The following IGF2BP2 variants were observed in gnomAD, a reference collection of about 807,000 sequenced individuals.
The protein encoded by IGF2BP2 is insulin like growth factor 2 mRNA binding protein 2.
A neutral mutation model predicts 75.8 loss-of-function variants in IGF2BP2; 17 were observed. The observed-to-expected ratio is 0.22, with a 90% CI of 0.15 to 0.34. The LOEUF is 0.34. Ranked by LOEUF, IGF2BP2 falls within the 10% of genes least tolerant of loss-of-function variation. The pLI, the probability that IGF2BP2 is intolerant of heterozygous loss-of-function variation, is 1.00. For missense variants in IGF2BP2, 516 were observed against 772.4 expected (o/e 0.67, Z 3.93); for synonymous variants, 288 against 295.6 (o/e 0.97, Z 0.26).
intron 2 of IGF2BP2, among the ~76,000 whole-genome samples, chr3:185,805,923 A>AC (rs1163130893): frequency 6.7e-6 from 1 of 149,698 alleles, no homozygotes; most frequent in African/African-American, 2.5e-5. Context: ...GGTGCCCACC[A>AC]CCCCCCACCC....
At chr3:185,716,944 C>T (rs927926417) in intron 2 of IGF2BP2, 2 of 410,486 alleles carry the variant, frequency 4.9e-6, no homozygotes, top group Admixed American at 5.9e-5. Flanking sequence ...ACTCCGCCTT[C>T]TGTGATTTTC....
intron 7 of IGF2BP2, among the ~76,000 whole-genome samples, chr3:185,676,941 CAT>C (rs1159123170): frequency 1.0e-3 from 134 of 132,230 alleles, no homozygotes; most frequent in Admixed American, 2.0e-3. Flanking sequence ...GAGAGAGAGA[CAT>C]ATATATATGG....
At chr3:185,806,072 G>A (rs1738986780) in intron 2 of IGF2BP2, among the ~76,000 whole-genome samples, 1 of 152,134 alleles carries the variant, frequency 6.6e-6, no homozygotes, top group South Asian at 2.1e-4. Flanking sequence ...CCAGAGTGCT[G>A]GGATTACAGG....
In IGF2BP2 at chr3:185,645,678, T is replaced by C. The variant is rs1713389611; in HGVS notation, c.1708-55A>G. ...GGACAGGGGAAAAAAGGAACCCAGT[T>C]CTGAGGACAAACGGCAGGGGAGGCT... is the stretch of plus-strand genomic sequence containing the variant. On this transcript the variant is annotated intron_variant, in intron 15 of 15. Coordinates refer to ENST00000382199, the MANE Select transcript of IGF2BP2 (RefSeq NM_006548.6). The surrounding 1 kb of genome is among the most constrained non-coding windows in gnomAD (Gnocchi z 4.9). 1 of 1,381,662 alleles carries C rather than the reference T, an allele frequency of 7.2e-7. No individual in the cohort carries two copies. The highest frequency in any genetic ancestry group is 1.0e-6 in the Non-Finnish European group (1 of 969,114). 85.6% of individuals were successfully genotyped at this position (1,381,662 alleles called of 1,614,324 possible).
chr3:185,722,697 A>T (rs1232773417), intron 2 of IGF2BP2, among the ~76,000 whole-genome samples: 1 of 152,162 alleles, frequency 6.6e-6, no homozygotes, highest in Non-Finnish European at 1.5e-5. Context: ...CTCACTGGAA[A>T]ACTGTAGGAA....
intron 2 of IGF2BP2, among the ~76,000 whole-genome samples, chr3:185,733,787 T>A (rs1728502676): frequency 6.6e-6 from 1 of 151,498 alleles, no homozygotes; most frequent in African/African-American, 2.4e-5. Context: ...ATAAATAAAT[T>A]AGAGCCAAAA....
intron 10 of IGF2BP2, among the ~76,000 whole-genome samples, chr3:185,664,885 A>G (rs1431353091): frequency 1.3e-5 from 2 of 152,124 alleles, no homozygotes; most frequent in South Asian, 2.1e-4. Flanking sequence ...TATGGAAGGA[A>G]AACATTCTCC....
intron 2 of IGF2BP2, among the ~76,000 whole-genome samples, chr3:185,774,080 C>T (rs1734222509): frequency 6.6e-6 from 1 of 152,140 alleles, no homozygotes; most frequent in South Asian, 2.1e-4. Context: ...GTGCTGAACA[C>T]AATTTTCTGG....
intron 3 of IGF2BP2, among the ~76,000 whole-genome samples, chr3:185,697,729 C>A (rs1578008063): frequency 6.6e-6 from 1 of 152,006 alleles, no homozygotes; most frequent in African/African-American, 2.4e-5. Flanking sequence ...AGATAAAAAT[C>A]TTTTTAAAAA....
chr3:185,699,514 T>C (rs1324162899), intron 2 of IGF2BP2, among the ~76,000 whole-genome samples: 1 of 152,244 alleles, frequency 6.6e-6, no homozygotes, highest in Non-Finnish European at 1.5e-5. Flanking sequence ...TAAAAAGTTA[T>C]ACTGTGAAAA....
intron 2 of IGF2BP2, among the ~76,000 whole-genome samples, chr3:185,748,128 T>C (rs1730504367): frequency 6.6e-6 from 1 of 152,138 alleles, no homozygotes; most frequent in Non-Finnish European, 1.5e-5. Context: ...ATGGTCTCGA[T>C]CTCCTGACCT....
chr3:185,778,952 T>G (rs541165466), intron 2 of IGF2BP2, among the ~76,000 whole-genome samples: 1 of 152,108 alleles, frequency 6.6e-6, no homozygotes, highest in Non-Finnish European at 1.5e-5. Context: ...TTCTCTAAAG[T>G]GCCTCCAGAG....
At chr3:185,705,112 C>G (rs929720606) in intron 2 of IGF2BP2, among the ~76,000 whole-genome samples, 1 of 152,190 alleles carries the variant, frequency 6.6e-6, no homozygotes, top group South Asian at 2.1e-4. Context: ...AGGGCTCCCC[C>G]GCAAGACGCA....
rs916742092 is a variant in IGF2BP2 at position 185,655,426 on chromosome 3, C to T, written c.1386+1860G>A. ...GATTACAGGTATAAGTCACCACGCC[C>T]GGCTGACTGATTTTAAAAATTTGGA... is the stretch of plus-strand genomic sequence containing the variant. On this transcript the variant is annotated intron_variant, in intron 12 of 15. Coordinates refer to ENST00000382199, the MANE Select transcript of IGF2BP2 (RefSeq NM_006548.6). 5.9e-5 allele frequency among the ~76,000 whole-genome samples: 9 copies of T among 152,318 alleles called. No individual in the cohort carries two copies. The South Asian group carries it at 1.2e-3, about 21-fold the overall frequency.
At chr3:185,703,695 A>T (rs1250870945) in intron 2 of IGF2BP2, among the ~76,000 whole-genome samples, 1 of 152,042 alleles carries the variant, frequency 6.6e-6, no homozygotes, top group African/African-American at 2.4e-5. Flanking sequence ...AATCACTTGA[A>T]CCTGGGAGGT....
chr3:185,818,429 T>G (rs1166458163), intron 2 of IGF2BP2, among the ~76,000 whole-genome samples: 1 of 152,200 alleles, frequency 6.6e-6, no homozygotes, highest in Admixed American at 6.5e-5. Context: ...CAAATATCAC[T>G]GCACTGGATT....
chr3:185,710,606 G>A (rs561856144), intron 2 of IGF2BP2, among the ~76,000 whole-genome samples: 5 of 152,166 alleles, frequency 3.3e-5, no homozygotes, highest in African/African-American at 1.2e-4. Context: ...GGTGGAGGGC[G>A]CCTGTAGTCC....
rs200521218 is a variant in IGF2BP2, at chr3:185,729,104, C to CTTT, written c.240-30760_240-30758dup. Among the ~76,000 whole-genome samples the CTTT allele has an allele frequency of 1.8e-3, 269 of 146,976 alleles. 1 individual carries two copies. Among genetic ancestry groups the CTTT allele is most frequent in the African/African-American group, 6.3e-3 (252 of 40,286 alleles). On this transcript the variant is annotated intron_variant, in intron 2 of 15. Coordinates refer to ENST00000382199, the MANE Select transcript of IGF2BP2 (RefSeq NM_006548.6). ...CTTGACAAAGCAGTAAAGATTACTG[C>CTTT]TTTTTTTTTTTCCACAAAAATTTTG...
At chr3:185,806,826 T>C (rs1739095642) in intron 2 of IGF2BP2, among the ~76,000 whole-genome samples, 1 of 152,168 alleles carries the variant, frequency 6.6e-6, no homozygotes, top group Non-Finnish European at 1.5e-5. Flanking sequence ...ATAATAAAGG[T>C]AAGTGCAAAA....
Sources: allele counts gnomAD v4.1 joint callset (sites outside exome capture counted in the v4.1 genomes callset), GRCh38; gene constraint gnomAD v4.1.1; non-coding constraint Gnocchi (gnomAD v3.1); transcripts MANE v1.5; gene names NCBI Gene and HGNC (gene_info 2026-07-23, HGNC 2026-07-21).